Variants in GALNT2 observed in about 807,000 individuals in gnomAD.
GALNT2 encodes the protein UDP-GalNAc:polypeptide N-acetylgalactosaminyltransferase 2.
GALNT2 carries 31 observed loss-of-function variants against 81.4 expected under a neutral mutation model. The ratio of observed to expected loss-of-function variants is 0.38; its 90% confidence interval spans 0.29 to 0.51. The LOEUF (loss-of-function observed/expected upper bound fraction) is 0.51. Ranked by LOEUF, GALNT2 falls within the 20% of genes least tolerant of loss-of-function variation. The pLI is 0.87. For missense variants in GALNT2, 629 were observed against 765.7 expected, an observed-to-expected ratio of 0.82 and a Z score of 2.11; for synonymous variants, 303 against 287.4, an observed-to-expected ratio of 1.05 and a Z score of -0.55.
intron 1 of GALNT2, among the ~76,000 whole-genome samples, chr1:230,067,791 A>G (rs1350657234): frequency 6.6e-6 from 1 of 152,106 alleles, no homozygotes; most frequent in Admixed American, 6.5e-5. Flanking sequence ...CGCTTTTCCA[A>G]CGCGTCATGT....
chr1:230,214,170 T>C (rs1285633979), intron 3 of GALNT2, among the ~76,000 whole-genome samples: 1 of 151,684 alleles, frequency 6.6e-6, no homozygotes, highest in African/African-American at 2.4e-5. Context: ...TGGAGTGCAG[T>C]GGTGTGATCT....
At chr1:230,074,365 G>A (rs920970908) in intron 1 of GALNT2, among the ~76,000 whole-genome samples, 6 of 152,152 alleles carry the variant, frequency 3.9e-5, no homozygotes, top group Admixed American at 2.0e-4. Flanking sequence ...AGGTGTGAGC[G>A]ACTGCACTGG....
chr1:230,252,843 C>CTTTTTTTTTTTTTTTTTTTTTTTTTTTT (rs58544942), intron 10 of GALNT2, among the ~76,000 whole-genome samples: 1 of 78,946 alleles, frequency 1.3e-5, no homozygotes, highest in Non-Finnish European at 2.3e-5. Context: ...GAGACAACTT[C>CTTTTTTTTTTTTTTTTTTTTTTTTTTTT]TTTTTTTTTT....
chr1:230,093,683 C>T (rs1203944737), intron 1 of GALNT2, among the ~76,000 whole-genome samples: 3 of 152,194 alleles, frequency 2.0e-5, no homozygotes, highest in Non-Finnish European at 4.4e-5. Flanking sequence ...GATCGAATAC[C>T]CAATGGTGGT....
chr1:230,098,852 G>A (rs889047439), intron 1 of GALNT2, among the ~76,000 whole-genome samples: 2 of 152,274 alleles, frequency 1.3e-5, no homozygotes, highest in African/African-American at 4.8e-5. Flanking sequence ...AGCACTGACT[G>A]TATGCCAGGA....
At chr1:230,258,170 CT>C (rs2102755950) in intron 11 of GALNT2, among the ~76,000 whole-genome samples, 1 of 152,296 alleles carries the variant, frequency 6.6e-6, no homozygotes, top group East Asian at 1.9e-4. Context: ...CCACCTCGGC[CT>C]CCCAAAGTGC....
chr1:230,146,433 T>G (rs1661918335), intron 1 of GALNT2, among the ~76,000 whole-genome samples: 1 of 152,238 alleles, frequency 6.6e-6, no homozygotes, highest in Non-Finnish European at 1.5e-5. Context: ...TATTTTCATT[T>G]CCTCTGGAGG....
chr1:230,261,009 G>A (rs1665860536), intron 11 of GALNT2, among the ~76,000 whole-genome samples: 1 of 151,362 alleles, frequency 6.6e-6, no homozygotes. Flanking sequence ...CATGTAAGAT[G>A]CACACTCATG....
At chr1:230,133,615 A>T (rs1371760001) in intron 1 of GALNT2, among the ~76,000 whole-genome samples, 2 of 152,128 alleles carry the variant, frequency 1.3e-5, no homozygotes, top group South Asian at 4.2e-4. Flanking sequence ...CACCGCGCCC[A>T]GCTAATTTTT....
chr1:230,199,192 AGACGTTT>A (rs1175053226), intron 2 of GALNT2, among the ~76,000 whole-genome samples: 5 of 152,172 alleles, frequency 3.3e-5, no homozygotes, highest in African/African-American at 2.4e-5. Context: ...CAATATATTC[AGACGTTT>A]TGTTGGTTGT....
chr1:230,109,653 C>T (rs1660645548), intron 1 of GALNT2, among the ~76,000 whole-genome samples: 2 of 152,160 alleles, frequency 1.3e-5, no homozygotes, highest in Non-Finnish European at 1.5e-5. Flanking sequence ...CATGGTGAAA[C>T]CCCATCTCTA....
In GALNT2 at chr1:230,240,451, G is replaced by T. The variant is rs992873266; in HGVS notation, c.608-2855G>T. Among the ~76,000 whole-genome samples, 4 of 152,296 alleles carry T rather than the reference G, an allele frequency of 2.6e-5. No homozygotes were observed. In the East Asian group the frequency reaches 5.8e-4, roughly 22 times the overall value. On this transcript the variant is annotated intron_variant, in intron 6 of 15. Coordinates refer to ENST00000366672, the MANE Select transcript of GALNT2 (RefSeq NM_004481.5). ...TACTAAAAATACGAAAATTAGCCGGGCATGGTGGCATGCGCCTGTAGTCCC... is the reference window on the plus strand; with the variant it reads ...TACTAAAAATACGAAAATTAGCCGGTCATGGTGGCATGCGCCTGTAGTCCC...
At chr1:230,157,131 A>G (rs975356191) in intron 1 of GALNT2, among the ~76,000 whole-genome samples, 4 of 152,236 alleles carry the variant, frequency 2.6e-5, no homozygotes, top group East Asian at 1.9e-4. Context: ...TTCAGATGCC[A>G]CTTCAGTTTA....
rs541402573 is a variant in GALNT2, at chr1:230,126,003, T to TA, written c.127-52215_127-52214insA. ...GTGGAGGCAGCACACAGACAGGTAGTGACCCTTCAAGCATGGGGAGGCCAG... is the reference window on the plus strand; with the variant it reads ...GTGGAGGCAGCACACAGACAGGTAGTAGACCCTTCAAGCATGGGGAGGCCAG... On this transcript the variant is annotated intron_variant, in intron 1 of 15. Transcript: ENST00000366672. 2.4e-3 allele frequency among the ~76,000 whole-genome samples: 372 copies of TA among 152,300 alleles called. 2 individuals carry two copies. The highest frequency in any genetic ancestry group is 8.3e-3 in the African/African-American group (346 of 41,580).
chr1:230,064,248 T>G (rs1659113346), upstream of GALNT2, among the ~76,000 whole-genome samples: 1 of 152,198 alleles, frequency 6.6e-6, no homozygotes, highest in African/African-American at 2.4e-5. Context: ...GCTCTTCCCC[T>G]TCTCCTCCAG....
Position 230,279,278 on chromosome 1 carries a change from T to C in GALNT2, c.1561-25T>C. On this transcript the variant is annotated intron_variant, in intron 15 of 15. Coordinates refer to ENST00000366672, the MANE Select transcript of GALNT2 (RefSeq NM_004481.5). The surrounding 1 kb of genome is among the most constrained non-coding windows in gnomAD (Gnocchi z 4.6). ...TACTCCTTTGCTTGTGCCCACACTC[T>C]AAGGCACTCTCCTGTGTCTTGCAGA... 1 of 1,607,220 alleles carries C rather than the reference T, an allele frequency of 6.2e-7. No individual in the cohort carries two copies. Among genetic ancestry groups the C allele is most frequent in the South Asian group, 1.1e-5 (1 of 90,356 alleles).
At chr1:230,200,349 C>G (rs1333656917) in intron 2 of GALNT2, among the ~76,000 whole-genome samples, 1 of 152,222 alleles carries the variant, frequency 6.6e-6, no homozygotes, top group African/African-American at 2.4e-5. Flanking sequence ...AGGCGTGAGC[C>G]AGTGCGCCCG....
Position 230,203,217 on chromosome 1 carries a change from C to A in GALNT2, c.301C>A (p.Arg101Ser). ...CCGCTCCGGGCAGGACCCTTACGCCCGCAACAAGTTCAACCAGGTGGAGAG... is the reference window on the plus strand; with the variant it reads ...CCGCTCCGGGCAGGACCCTTACGCCAGCAACAAGTTCAACCAGGTGGAGAG... ...MVRSGQDPYA[R>S]NKFNQVESDK... The change falls in exon 3 of 16, where the codon CGC becomes AGC. Residue 101 changes from arginine to serine, a missense_variant. By Grantham distance (110) the Arg-to-Ser change is moderately radical. This residue lies in a region of GALNT2 where 360 missense variants were observed against 492.8 expected (regional missense o/e 0.73). Coordinates refer to ENST00000366672, the MANE Select transcript of GALNT2 (RefSeq NM_004481.5). The A allele has an allele frequency of 6.2e-7, 1 of 1,614,156 alleles. No individual in the cohort carries two copies. The highest frequency in any genetic ancestry group is 1.1e-5 in the South Asian group (1 of 91,078).
intron 1 of GALNT2, among the ~76,000 whole-genome samples, chr1:230,082,260 G>C (rs564920992): frequency 2.0e-5 from 3 of 152,366 alleles, no homozygotes; most frequent in African/African-American, 7.2e-5. Context: ...AATGAAGCAG[G>C]TGTCACATTT....
Sources: allele counts gnomAD v4.1 joint callset (sites outside exome capture counted in the v4.1 genomes callset), GRCh38; gene constraint gnomAD v4.1.1; regional missense constraint gnomAD v4.1.1; non-coding constraint Gnocchi (gnomAD v3.1); transcripts MANE v1.5; gene names NCBI Gene and HGNC (gene_info 2026-07-23, HGNC 2026-07-21).